The following NFIA variants were observed in gnomAD, a reference collection of about 807,000 sequenced individuals.
NFIA encodes nuclear factor 1 A-type.
NFIA carries 8 observed loss-of-function variants against 62.8 expected under a neutral mutation model. That is an observed-to-expected ratio of 0.13 (90% confidence interval 0.07 to 0.23). NFIA has a LOEUF of 0.23. Among genes scored for constraint, NFIA ranks in the 10% least tolerant of loss-of-function variants. The probability of loss-of-function intolerance (pLI) is 1.00; values close to 1 mark genes in which losing one functional copy is unlikely to be tolerated. For synonymous variants in NFIA, 235 were observed against 238.1 expected (o/e 0.99, Z 0.12); for missense variants, 410 against 642.1 (o/e 0.64, Z 3.91).
chr1:61,343,407 G>A (rs763644063), intron 4 of NFIA, among the ~76,000 whole-genome samples: 1 of 152,002 alleles, frequency 6.6e-6, no homozygotes, highest in African/African-American at 2.4e-5. Flanking sequence ...TTCTCCTTCC[G>A]CCACCATGTA....
chr1:61,195,019 T>C (rs1651895022), intron 2 of NFIA, among the ~76,000 whole-genome samples: 1 of 151,884 alleles, frequency 6.6e-6, no homozygotes, highest in Non-Finnish European at 1.5e-5. Context: ...TTCTGAGACA[T>C]CAATTCTGTG....
chr1:61,205,854 T>G (rs529226592), intron 2 of NFIA, among the ~76,000 whole-genome samples: 2 of 151,584 alleles, frequency 1.3e-5, no homozygotes, highest in South Asian at 4.2e-4. Flanking sequence ...TTCACAGTAG[T>G]CAGCAAATGC....
intron 9 of NFIA, among the ~76,000 whole-genome samples, chr1:61,423,857 C>T (rs929211319): frequency 6.6e-6 from 1 of 152,106 alleles, no homozygotes; most frequent in Admixed American, 6.5e-5. Flanking sequence ...TTTCTTCCTT[C>T]CTTTATTTTC....
At chr1:61,304,795 C>T (rs921564010) in intron 3 of NFIA, among the ~76,000 whole-genome samples, 22 of 152,238 alleles carry the variant, frequency 1.4e-4, no homozygotes, top group Admixed American at 4.6e-4. Context: ...AGAACAATAA[C>T]GTGGCACCAC....
chr1:61,260,168 C>CAA (rs1355833708), intron 2 of NFIA, among the ~76,000 whole-genome samples: 1 of 152,222 alleles, frequency 6.6e-6, no homozygotes, highest in Non-Finnish European at 1.5e-5. Context: ...TCCAAACTGT[C>CAA]ACAGTTACTG....
intron 2 of NFIA, among the ~76,000 whole-genome samples, chr1:61,133,909 AG>A (rs1328693775): frequency 6.6e-6 from 1 of 151,982 alleles, no homozygotes; most frequent in African/African-American, 2.4e-5. Flanking sequence ...TGGGAGGCTG[AG>A]GGGGTGGATC....
At chr1:61,164,626 A>C (rs1649444992) in intron 2 of NFIA, among the ~76,000 whole-genome samples, 2 of 151,740 alleles carry the variant, frequency 1.3e-5, no homozygotes, top group South Asian at 4.2e-4. Context: ...CGCCCGGCTA[A>C]TTTTTTTGTA....
intron 2 of NFIA, among the ~76,000 whole-genome samples, chr1:61,271,556 A>AGTGACTAAGGG (rs1657507891): frequency 6.6e-6 from 1 of 152,090 alleles, no homozygotes; most frequent in Admixed American, 6.5e-5. Flanking sequence ...GGATCTCCAG[A>AGTGACTAAGGG]GCAGCTGGCA....
intron 3 of NFIA, among the ~76,000 whole-genome samples, chr1:61,319,656 T>C (rs143125428): frequency 1.5e-3 from 221 of 152,194 alleles, no homozygotes; most frequent in African/African-American, 5.3e-3. Context: ...ATATTTTGTC[T>C]ACAAAAAGGA....
intron 2 of NFIA, among the ~76,000 whole-genome samples, chr1:61,144,349 G>A (rs1647771360): frequency 6.6e-6 from 1 of 152,190 alleles, no homozygotes; most frequent in Non-Finnish European, 1.5e-5. Context: ...TAAACAATTT[G>A]TGTTCCTATG....
At chr1:61,126,777 C>CTTTTTTT (rs56255004) in intron 2 of NFIA, among the ~76,000 whole-genome samples, 1 of 87,330 alleles carries the variant, frequency 1.1e-5, no homozygotes. Flanking sequence ...TGTCAGATTC[C>CTTTTTTT]TTTTTTTTTT....
chr1:61,448,193 G>A (rs558902009), intron 10 of NFIA, among the ~76,000 whole-genome samples: 22 of 151,924 alleles, frequency 1.4e-4, no homozygotes, highest in East Asian at 3.9e-4. Flanking sequence ...CCTCCAAGGC[G>A]TGCAGTTTAG....
chr1:61,083,930 C>T (rs1044129179), intron 1 of NFIA, among the ~76,000 whole-genome samples: 1 of 152,138 alleles, frequency 6.6e-6, no homozygotes, highest in African/African-American at 2.4e-5. Context: ...TACCCACCCC[C>T]AGGCAAAATA....
intron 2 of NFIA, among the ~76,000 whole-genome samples, chr1:61,106,136 T>TAA (rs1303887661): frequency 2.6e-5 from 4 of 151,796 alleles, no homozygotes; most frequent in African/African-American, 9.6e-5. Context: ...TCTATCTATA[T>TAA]CTTACTGATT....
intron 10 of NFIA, among the ~76,000 whole-genome samples, chr1:61,438,047 G>T (rs139741247): frequency 4.5e-4 from 68 of 152,262 alleles, no homozygotes; most frequent in Middle Eastern, 6.8e-3. Context: ...CAATCCTCCT[G>T]AGATACAGGA....
In NFIA at chr1:61,177,653, TTG is replaced by T. The variant is rs56299869; in HGVS notation, c.559+89005_559+89006del. 6.3e-3 allele frequency among the ~76,000 whole-genome samples: 925 copies of T among 145,846 alleles called. 8 individuals are homozygous for T. The highest frequency in any genetic ancestry group is 0.041 in the South Asian group (186 of 4,530). ...GTTTATAGTAAGAATGTTTTCTCTA[TTG>T]TGTGTGTGTGTGTGTGTGTGTGTGT... is the stretch of plus-strand genomic sequence containing the variant. On this transcript the variant is annotated intron_variant, in intron 2 of 10. Coordinates refer to ENST00000403491, the MANE Select transcript of NFIA (RefSeq NM_001134673.4).
chr1:61,363,948 A>ATTT (rs35401343), intron 6 of NFIA, among the ~76,000 whole-genome samples: 5,359 of 142,510 alleles, frequency 0.038, 146 homozygotes, highest in Non-Finnish European at 0.053. Flanking sequence ...TGCATCTACT[A>ATTT]TTTTTTTTTT....
At chr1:61,266,460 A>G (rs1657175063) in intron 2 of NFIA, among the ~76,000 whole-genome samples, 3 of 151,950 alleles carry the variant, frequency 2.0e-5, no homozygotes, top group African/African-American at 7.3e-5. Context: ...GCTCACTGCA[A>G]CCTCTGTCTC....
At chr1:61,169,882 G>T (rs559705293) in intron 2 of NFIA, among the ~76,000 whole-genome samples, 22 of 152,208 alleles carry the variant, frequency 1.4e-4, no homozygotes, top group Admixed American at 1.0e-3. Context: ...GTTTTCTTCT[G>T]ATTGAATTTG....
Sources: allele counts gnomAD v4.1 joint callset (sites outside exome capture counted in the v4.1 genomes callset), GRCh38; gene constraint gnomAD v4.1.1; transcripts MANE v1.5; gene names NCBI Gene and HGNC (gene_info 2026-07-23, HGNC 2026-07-21).